The following CWC22 variants were observed in gnomAD, a reference collection of about 807,000 sequenced individuals.
CWC22 encodes the protein pre-mRNA-splicing factor CWC22 homolog.
A neutral mutation model predicts 117.2 loss-of-function variants in CWC22; 53 were observed. That is an observed-to-expected ratio of 0.45 (90% confidence interval 0.36 to 0.57). The LOEUF (loss-of-function observed/expected upper bound fraction) is 0.57, where lower values mean the gene tolerates loss of function less well. Among genes scored for constraint, CWC22 ranks in the 20% least tolerant of loss-of-function variants. The pLI is 0.00. For synonymous variants in CWC22, 360 were observed against 355.6 expected (o/e 1.01, Z -0.14); for missense variants, 980 against 1,068.8 (o/e 0.92, Z 1.16).
chr2:179,973,694 T>G lies in CWC22; in HGVS notation c.690A>C (p.Gly230=). 6.2e-7 allele frequency: 1 copy of G among 1,611,354 alleles called. No individual in the cohort carries two copies. Among genetic ancestry groups the G allele is most frequent in the Non-Finnish European group, 8.5e-7 (1 of 1,178,008 alleles). The change falls in exon 7 of 20, where the codon GGA becomes GGC. Residue 230 remains glycine (G), a synonymous_variant. Coordinates refer to ENST00000410053, the MANE Select transcript of CWC22 (RefSeq NM_020943.3). ...GAATTAACCTTTTGAGGATTAATTC[T>G]CCAATTTGTGGAAATTTTGAGTTGA... ...AIINSKFPQI[G]ELILKRLILN...
chr2:180,006,651 TTAATC>T (rs1212133172), intron 1 of CWC22, among the ~76,000 whole-genome samples: 1 of 152,174 alleles, frequency 6.6e-6, no homozygotes, highest in Non-Finnish European at 1.5e-5. Context: ...CTAGATCTCA[TTAATC>T]CCACTCCCCT....
At chr2:179,972,987 C>T (rs192326603) in intron 8 of CWC22, among the ~76,000 whole-genome samples, 21 of 150,142 alleles carry the variant, frequency 1.4e-4, no homozygotes, top group Admixed American at 2.7e-4. Context: ...CCAGCCTGGG[C>T]GACAGAGTGA....
chr2:179,983,290 C>A (rs1687331451), intron 4 of CWC22, among the ~76,000 whole-genome samples: 1 of 152,010 alleles, frequency 6.6e-6, no homozygotes, highest in Admixed American at 6.6e-5. Flanking sequence ...CATAAGGCCC[C>A]AGTGTGTGTT....
chr2:179,952,713 A>C, intron 16 of CWC22, 115 bp from the exon 17 acceptor site: 1 of 508,624 alleles, frequency 2.0e-6, no homozygotes, highest in Non-Finnish European at 3.2e-6. Flanking sequence ...TCCCATCTTC[A>C]ACCAGAGTTA....
intron 11 of CWC22, among the ~76,000 whole-genome samples, chr2:179,967,530 G>A (rs1017641068): frequency 2.0e-5 from 3 of 152,102 alleles, no homozygotes; most frequent in Non-Finnish European, 4.4e-5. Flanking sequence ...CAAAAGCAAT[G>A]GAGGTTAAAA....
Position 179,945,390 on chromosome 2 carries a change from C to T in CWC22, c.2466G>A (p.Lys822=). 6.2e-7 allele frequency: 1 copy of T among 1,613,094 alleles called. No individual in the cohort carries two copies. Among genetic ancestry groups the T allele is most frequent in the Non-Finnish European group, 8.5e-7 (1 of 1,179,530 alleles). Residue 822 remains lysine, a synonymous_variant, in exon 20 of 20, where the codon AAG becomes AAA. Coordinates refer to ENST00000410053, the MANE Select transcript of CWC22 (RefSeq NM_020943.3). ...AAAAAGAATTTCTTCTCTCTCCTCTCTTCTTTTTGGGATCACCATGCTTAT... is the reference window on the plus strand; with the variant it reads ...AAAAAGAATTTCTTCTCTCTCCTCTTTTCTTTTTGGGATCACCATGCTTAT... ...LENKHGDPKK[K]RGERRNSFSE...
chr2:179,983,898 T>C (rs906823071), intron 4 of CWC22, among the ~76,000 whole-genome samples: 1 of 152,170 alleles, frequency 6.6e-6, no homozygotes, highest in Non-Finnish European at 1.5e-5. Flanking sequence ...ATGATTCTTC[T>C]GAGAAACACC....
rs566187127 is a variant in CWC22, at chr2:179,969,977, T to C, written c.1210+524A>G. On this transcript the variant is annotated intron_variant, in intron 11 of 19. Transcript: ENST00000410053. ...GTCACTCAGCTAGTAATGTCAAAGA[T>C]AAATTACACATCAAAACCTGTCCAA... Among the ~76,000 whole-genome samples the C allele has an allele frequency of 4.6e-5, 7 of 152,262 alleles. No homozygotes were observed. The East Asian group carries it at 7.7e-4, about 17-fold the overall frequency.
chr2:179,995,614 G>C (rs1046048229), intron 1 of CWC22, among the ~76,000 whole-genome samples: 13 of 151,490 alleles, frequency 8.6e-5, no homozygotes, highest in African/African-American at 2.9e-4. Flanking sequence ...AAATGGCTAG[G>C]AAGTTCCTAC....
rs754888642 is a variant in CWC22 at position 179,988,597 on chromosome 2, C to T, written c.75G>A (p.Arg25=). 2.6e-6 allele frequency: 4 copies of T among 1,525,960 alleles called. No individual in the cohort carries two copies. Among genetic ancestry groups the T allele is most frequent in the East Asian group, 2.4e-5 (1 of 42,212 alleles). The allele number at this position is 1,525,960 out of a possible 1,614,324, so 94.5% of individuals were successfully genotyped here. A position where few individuals can be genotyped will look rare whatever the true frequency, so the allele number is the denominator to read the frequency against. Residue 25 remains arginine (R), a synonymous_variant, in exon 3 of 20, where the codon AGG becomes AGA. Coordinates refer to ENST00000410053, the MANE Select transcript of CWC22 (RefSeq NM_020943.3). The part of the protein sequence containing the change: ...DRRENLNSYQ[R]NSSPEDRYEE... ...TTTACCTGTCTTCTGGAGAGGAGTT[C>T]CTCTGATATGAATTAAGGTTTTCCC...
intron 4 of CWC22, among the ~76,000 whole-genome samples, chr2:179,984,859 T>C (rs772340856): frequency 7.9e-5 from 12 of 152,094 alleles, no homozygotes; most frequent in Non-Finnish European, 1.2e-4. Context: ...TGTTCAACAA[T>C]AGTTTACCTG....
chr2:179,999,636 T>C (rs1329508372), intron 1 of CWC22, among the ~76,000 whole-genome samples: 1 of 152,172 alleles, frequency 6.6e-6, no homozygotes, highest in Non-Finnish European at 1.5e-5. Context: ...ACTTCTACCA[T>C]TGTCACTTCG....
At chr2:179,952,103 G>C (rs1241856769) in intron 17 of CWC22, among the ~76,000 whole-genome samples, 1 of 152,050 alleles carries the variant, frequency 6.6e-6, no homozygotes, top group African/African-American at 2.4e-5. Flanking sequence ...ATTATTAATA[G>C]ATGAAATATA....
chr2:179,951,349 G>T (rs545278017), intron 17 of CWC22, among the ~76,000 whole-genome samples: 2 of 151,986 alleles, frequency 1.3e-5, no homozygotes, highest in South Asian at 4.2e-4. Flanking sequence ...CAAGTACTGG[G>T]GGAGAGGTGG....
intron 14 of CWC22, among the ~76,000 whole-genome samples, chr2:179,957,247 C>T (rs1177858916): frequency 6.6e-6 from 1 of 151,810 alleles, no homozygotes; most frequent in Non-Finnish European, 1.5e-5. Flanking sequence ...CAAACAAGCA[C>T]ACTATTACTA....
chr2:179,982,192 T>C (rs922216161), intron 4 of CWC22, among the ~76,000 whole-genome samples, 195 bp from the exon 5 acceptor site: 1 of 152,046 alleles, frequency 6.6e-6, no homozygotes, highest in East Asian at 1.9e-4. Context: ...GGATTTAGAC[T>C]GGGGGCAAGT....
chr2:179,952,486 G>T lies in CWC22; in HGVS notation c.1802C>A (p.Ala601Glu), dbSNP rs868352387. 6.4e-7 allele frequency: 1 copy of T among 1,559,124 alleles called. No individual in the cohort carries two copies. The highest frequency in any genetic ancestry group is 2.3e-5 in the East Asian group (1 of 43,078). ...CEYMGLPKLNARLKDETLQPF... is the reference protein window; with the variant it reads ...CEYMGLPKLNERLKDETLQPF... ...GCAAACTTACTCATCCTTTAATCTTGCATTAAGTTTAGGAAGACCCATGTA... is the reference window on the plus strand; with the variant it reads ...GCAAACTTACTCATCCTTTAATCTTTCATTAAGTTTAGGAAGACCCATGTA... The change falls in exon 17 of 20, where the codon GCA (alanine) becomes GAA (glutamate). Residue 601 changes from alanine to glutamate, a missense_variant. This residue lies in a region of CWC22 where 115 missense variants were observed against 169.8 expected (regional missense o/e 0.68). Coordinates refer to ENST00000410053, the MANE Select transcript of CWC22 (RefSeq NM_020943.3).
Position 179,970,955 on chromosome 2 carries a change from G to A in CWC22, c.926C>T (p.Pro309Leu). The change falls in exon 9 of 20, where the codon CCA becomes CTA. Residue 309 changes from proline (P) to leucine (L), a missense_variant. By Grantham distance (98) the Pro-to-Leu change is moderately conservative. This residue lies in a region of CWC22 where 559 missense variants were observed against 602.3 expected (regional missense o/e 0.93). Transcript: ENST00000410053. The part of the protein sequence containing the change: ...ECGLKLTQVS[P>L]RGINAIFERL... The stretch of plus-strand genomic sequence containing the variant: ...TGTACACTTACCATTGATTCCTCTT[G>A]GTGACACTTGTGTTAATTTGAGGCC... 1 of 1,612,436 alleles carries A rather than the reference G, an allele frequency of 6.2e-7. No homozygotes were observed. Among genetic ancestry groups the A allele is most frequent in the Non-Finnish European group, 8.5e-7 (1 of 1,179,066 alleles).
chr2:179,954,852 AG>A (rs1443357402), intron 15 of CWC22, 104 bp downstream of exon 15: 2 of 708,302 alleles, frequency 2.8e-6, no homozygotes, highest in Non-Finnish European at 4.8e-6. Context: ...ATTTGCTTTT[AG>A]CAAAAGTGGT....
Sources: allele counts gnomAD v4.1 joint callset (sites outside exome capture counted in the v4.1 genomes callset), GRCh38; gene constraint gnomAD v4.1.1; regional missense constraint gnomAD v4.1.1; transcripts MANE v1.5; gene names NCBI Gene and HGNC (gene_info 2026-07-23, HGNC 2026-07-21).